The following PCDHGB7 variants were observed in gnomAD, a reference collection of about 807,000 sequenced individuals.
The protein encoded by PCDHGB7 is protocadherin gamma subfamily B, 7.
A neutral mutation model predicts 61.4 loss-of-function variants in PCDHGB7; 37 were observed. The ratio of observed to expected loss-of-function variants is 0.60; its 90% CI spans 0.46 to 0.79. The LOEUF is 0.79. Ranked by LOEUF, PCDHGB7 falls within the 30% of genes least tolerant of loss-of-function variation. The pLI is 0.00. For missense variants in PCDHGB7, 1,166 were observed against 1,202.5 expected (o/e 0.97, Z 0.45); for synonymous variants, 464 against 503.5 (o/e 0.92, Z 1.05).
intron 1 of PCDHGB7, chr5:141,422,266 G>A (rs1393466157): frequency 6.4e-7 from 1 of 1,563,654 alleles, no homozygotes; most frequent in Non-Finnish European, 8.6e-7. Context: ...TAACGCTCCA[G>A]AAATAACTAT....
chr5:141,481,257 A>T (rs2099534664), intron 1 of PCDHGB7, among the ~76,000 whole-genome samples: 1 of 152,172 alleles, frequency 6.6e-6, no homozygotes, highest in African/African-American at 2.4e-5. Context: ...GCTCTAAAAG[A>T]TCACTGTAGG....
In PCDHGB7 at chr5:141,485,697, A is replaced by G. The variant is rs76923861; in HGVS notation, c.2416-9110A>G. 48,100 of 1,614,036 alleles carry G rather than the reference A, an allele frequency of 0.03. 1,433 individuals carry two copies. Among genetic ancestry groups the G allele is most frequent in the African/African-American group, 0.15 (11,542 of 75,006 alleles). The stretch of plus-strand genomic sequence containing the variant: ...ATTAGCAGCTATAGGCTGAGCTCCA[A>G]TGAACACTTTGCACTGGATGTGAAG... On this transcript the variant is annotated intron_variant, in intron 1 of 3. Transcript: ENST00000398594. The surrounding 1 kb of genome is among the most constrained non-coding windows in gnomAD (Gnocchi z 5.7).
At position 141,485,675 on chromosome 5, in the gene PCDHGB7, A is replaced by C. The variant is rs1562106929; in HGVS notation, c.2416-9132A>C. 6.2e-7 allele frequency: 1 copy of C among 1,613,068 alleles called. No homozygotes were observed. The highest frequency in any genetic ancestry group is 8.5e-7 in the Non-Finnish European group (1 of 1,179,150). On this transcript the variant is annotated intron_variant, in intron 1 of 3. Coordinates refer to ENST00000398594, the MANE Select transcript of PCDHGB7 (RefSeq NM_018927.4). The surrounding 1 kb of genome is among the most constrained non-coding windows in gnomAD (Gnocchi z 5.7). ...TGCAGATGTGGGGAGCAATTCGATT[A>C]GCAGCTATAGGCTGAGCTCCAATGA...
intron 1 of PCDHGB7, among the ~76,000 whole-genome samples, chr5:141,458,809 T>G (rs2098953834): frequency 6.6e-6 from 1 of 152,190 alleles, no homozygotes; most frequent in Non-Finnish European, 1.5e-5. Flanking sequence ...CTCAGCTCAC[T>G]GCAACCTCTG....
chr5:141,449,498 A>G (rs1190732747), intron 1 of PCDHGB7, among the ~76,000 whole-genome samples: 7 of 150,506 alleles, frequency 4.7e-5, no homozygotes, highest in Non-Finnish European at 8.9e-5. Flanking sequence ...GTGAGGCATG[A>G]GAAATGCTTG....
intron 1 of PCDHGB7, among the ~76,000 whole-genome samples, chr5:141,448,809 A>G (rs998129053): frequency 9.2e-5 from 14 of 151,812 alleles, no homozygotes; most frequent in Non-Finnish European, 1.8e-4. Flanking sequence ...GCCAGGCGTG[A>G]TGGCGGGCGC....
intron 1 of PCDHGB7, chr5:141,478,272 A>G: frequency 6.2e-7 from 1 of 1,614,160 alleles, no homozygotes; most frequent in Non-Finnish European, 8.5e-7. Context: ...AAAGTTTACA[A>G]GTGGAAGCAG....
intron 1 of PCDHGB7, among the ~76,000 whole-genome samples, chr5:141,462,086 A>G (rs993185274): frequency 6.6e-6 from 1 of 151,408 alleles, no homozygotes; most frequent in Non-Finnish European, 1.5e-5. Flanking sequence ...GCCTCCCAAA[A>G]TGCTGGGATT....
At chr5:141,502,368 G>A (rs2099813930) in intron 2 of PCDHGB7, among the ~76,000 whole-genome samples, 1 of 151,996 alleles carries the variant, frequency 6.6e-6, no homozygotes, top group East Asian at 1.9e-4. Context: ...TATTTTTAAA[G>A]AGTCCAGGCC....
Position 141,493,034 on chromosome 5 carries a change from G to A in PCDHGB7, c.2416-1773G>A, listed in dbSNP as rs75211372. 6.6e-6 allele frequency among the ~76,000 whole-genome samples: 1 copy of A among 152,230 alleles called. No homozygotes were observed. Among genetic ancestry groups the A allele is most frequent in the African/African-American group, 2.4e-5 (1 of 41,458 alleles). On this transcript the variant is annotated intron_variant, in intron 1 of 3. Transcript: ENST00000398594. This position sits in a 1 kb window ranked among gnomAD's most constrained non-coding sequence, Gnocchi z 4.3. ...GCCAGATGCCAGGGTGCCCTTATGTGTGAGGAAACTACAATAGTAAAAAAC... is the reference window on the plus strand; with the variant it reads ...GCCAGATGCCAGGGTGCCCTTATGTATGAGGAAACTACAATAGTAAAAAAC...
At chr5:141,430,837 CG>C in intron 1 of PCDHGB7, 1 of 1,560,074 alleles carries the variant, frequency 6.4e-7, no homozygotes, top group African/African-American at 1.4e-5. Flanking sequence ...TGTGGGAGAC[CG>C]GATGCACCCA....
At position 141,491,049 on chromosome 5, in the gene PCDHGB7, G is replaced by C; in HGVS notation, c.2416-3758G>C. The C allele has an allele frequency of 1.2e-6, 2 of 1,614,116 alleles. No homozygotes were observed. Among genetic ancestry groups the C allele is most frequent in the Admixed American group, 3.3e-5 (2 of 60,024 alleles). On this transcript the variant is annotated intron_variant, in intron 1 of 3. Transcript: ENST00000398594. This position sits in a 1 kb window ranked among gnomAD's most constrained non-coding sequence, Gnocchi z 6.9. ...TGGATGCTGATGCAGGCCACAATGC[G>C]TGGCTCTCCTACTCACTGTTGCCAC...
intron 2 of PCDHGB7, among the ~76,000 whole-genome samples, chr5:141,497,290 C>A (rs182104163): frequency 4.7e-4 from 72 of 152,184 alleles, no homozygotes; most frequent in Middle Eastern, 3.4e-3. Flanking sequence ...CTCTACCTAC[C>A]ACCACCCCAG....
At chr5:141,461,185 C>T (rs2154567265) in intron 1 of PCDHGB7, among the ~76,000 whole-genome samples, 1 of 152,134 alleles carries the variant, frequency 6.6e-6, no homozygotes, top group East Asian at 1.9e-4. Context: ...AATGGTAGAT[C>T]TGTTTTTTGC....
At chr5:141,499,679 T>G (rs2099793341) in intron 2 of PCDHGB7, among the ~76,000 whole-genome samples, 1 of 150,922 alleles carries the variant, frequency 6.6e-6, no homozygotes, top group South Asian at 2.1e-4. Context: ...CCACCATCTT[T>G]AACAGATGAC....
chr5:141,454,990 T>C (rs548911982), intron 1 of PCDHGB7, among the ~76,000 whole-genome samples: 1 of 151,490 alleles, frequency 6.6e-6, no homozygotes, highest in African/African-American at 2.4e-5. Context: ...TAAAAAATAT[T>C]TTTAGTAGAG....
At position 141,511,373 on chromosome 5, in the gene PCDHGB7, G is replaced by C. The variant is rs1361376059; in HGVS notation, c.*200G>C. 16 of 1,251,214 alleles carry C rather than the reference G, an allele frequency of 1.3e-5. No homozygotes were observed. Among genetic ancestry groups the C allele is most frequent in the Non-Finnish European group, 1.4e-5 (13 of 925,282 alleles). The allele number at this position is 1,251,214 out of a possible 1,614,324, so 77.5% of individuals were successfully genotyped here. A position where few individuals can be genotyped will look rare whatever the true frequency, so the allele number is the denominator to read the frequency against. ...CCCCCAGGGGGTTGAATATGCAAAAGCAGTTCCGCTGGGAACCCCCATCCA... is the reference window on the plus strand; with the variant it reads ...CCCCCAGGGGGTTGAATATGCAAAACCAGTTCCGCTGGGAACCCCCATCCA... On this transcript the variant is annotated 3_prime_UTR_variant, in exon 4 of 4. Transcript: ENST00000398594.
intron 1 of PCDHGB7, among the ~76,000 whole-genome samples, chr5:141,446,764 G>A (rs2098514605): frequency 6.6e-6 from 1 of 152,214 alleles, no homozygotes; most frequent in Non-Finnish European, 1.5e-5. Context: ...ACCGCGCCCA[G>A]CCGGTTACCA....
intron 2 of PCDHGB7, among the ~76,000 whole-genome samples, chr5:141,501,258 T>G (rs2099806611): frequency 1.3e-5 from 2 of 150,950 alleles, no homozygotes; most frequent in South Asian, 4.2e-4. Flanking sequence ...GGGAGTATTT[T>G]ATTATAGTCC....
Sources: allele counts gnomAD v4.1 joint callset (sites outside exome capture counted in the v4.1 genomes callset), GRCh38; gene constraint gnomAD v4.1.1; non-coding constraint Gnocchi (gnomAD v3.1); transcripts MANE v1.5; gene names NCBI Gene and HGNC (gene_info 2026-07-23, HGNC 2026-07-21).